The following TBC1D4 variants were observed in gnomAD, a reference collection of about 807,000 sequenced individuals.
TBC1D4 encodes the protein TBC1 domain family member 4, also known as TBC (Tre-2, BUB2, CDC16) domain-containing protein.
Under a neutral mutation model 142.5 loss-of-function variants are expected in TBC1D4, and 121 were observed. The observed-to-expected ratio is 0.85, with a 90% CI of 0.73 to 0.99. The LOEUF is 0.99. Ranked by LOEUF, TBC1D4 falls within the 50% of genes least tolerant of loss-of-function variation. The probability of loss-of-function intolerance (pLI) is 0.00; values close to 1 mark genes in which losing one functional copy is unlikely to be tolerated. For synonymous variants in TBC1D4, 630 were observed against 628.2 expected (o/e 1.00, Z -0.04); for missense variants, 1,475 against 1,606.6 (o/e 0.92, Z 1.40).
chr13:75,357,999 C>CTT (rs562093087), intron 3 of TBC1D4, among the ~76,000 whole-genome samples: 1 of 12,936 alleles, frequency 7.7e-5, no homozygotes, highest in Admixed American at 3.5e-4. Flanking sequence ...TTTTTTCTTT[C>CTT]TATTTTTTTT....
chr13:75,394,982 T>C (rs1180651245), intron 1 of TBC1D4, among the ~76,000 whole-genome samples: 1 of 152,330 alleles, frequency 6.6e-6, no homozygotes, highest in East Asian at 1.9e-4. Flanking sequence ...GCATTCAGTA[T>C]AGAAGGTACC....
At chr13:75,402,085 C>G (rs1202795303) in intron 1 of TBC1D4, among the ~76,000 whole-genome samples, 1 of 152,088 alleles carries the variant, frequency 6.6e-6, no homozygotes, top group Non-Finnish European at 1.5e-5. Context: ...AGGATGTGTA[C>G]CACCCACCAA....
At chr13:75,394,066 T>C (rs901502702) in intron 1 of TBC1D4, among the ~76,000 whole-genome samples, 1 of 152,222 alleles carries the variant, frequency 6.6e-6, no homozygotes, top group African/African-American at 2.4e-5. Flanking sequence ...CTTTGAAATA[T>C]GGATTATGTA....
At chr13:75,408,950 A>G (rs1405181293) in intron 1 of TBC1D4, among the ~76,000 whole-genome samples, 1 of 151,998 alleles carries the variant, frequency 6.6e-6, no homozygotes, top group Non-Finnish European at 1.5e-5. Context: ...AATTCTGTAC[A>G]TGTTCTGTTT....
chr13:75,471,176 C>T (rs1373536202), intron 1 of TBC1D4, among the ~76,000 whole-genome samples: 1 of 151,422 alleles, frequency 6.6e-6, no homozygotes, highest in African/African-American at 2.4e-5. Flanking sequence ...TATATATCTC[C>T]AACCTAACTT....
At chr13:75,401,336 G>A (rs988853736) in intron 1 of TBC1D4, among the ~76,000 whole-genome samples, 13 of 152,124 alleles carry the variant, frequency 8.5e-5, no homozygotes, top group African/African-American at 3.1e-4. Context: ...ATTGCACAGT[G>A]GTGGTGAATA....
At chr13:75,341,406 T>C in intron 6 of TBC1D4, 90 bp downstream of exon 6, 1 of 1,352,024 alleles carries the variant, frequency 7.4e-7, no homozygotes, top group Non-Finnish European at 1.1e-6. Context: ...TCTTTAGCTC[T>C]AGGCAGCAGA....
At chr13:75,335,301 G>GT (rs1880104873) in intron 8 of TBC1D4, among the ~76,000 whole-genome samples, 1 of 152,070 alleles carries the variant, frequency 6.6e-6, no homozygotes. Flanking sequence ...GCCACAGTGG[G>GT]TCCCCCATGC....
intron 1 of TBC1D4, among the ~76,000 whole-genome samples, chr13:75,376,689 T>C (rs542557160): frequency 2.0e-4 from 31 of 152,314 alleles, no homozygotes; most frequent in African/African-American, 7.2e-4. Flanking sequence ...GACCTTCTGG[T>C]GACTTTTAAG....
Position 75,327,798 on chromosome 13 carries a change from C to T in TBC1D4, c.1760G>A (p.Gly587Glu), listed in dbSNP as rs750145883. 30 of 1,613,862 alleles carry T rather than the reference C, an allele frequency of 1.9e-5. No homozygotes were observed. The highest frequency in any genetic ancestry group is 2.5e-5 in the Non-Finnish European group (29 of 1,179,896). ...GGACCGTTCAAAACTGTCCACACTT[C>T]CAAGCCGACCTCTCATTCTGTTAGC... ...RGANRMRGRLGSVDSFERSNS... is the reference protein window; with the variant it reads ...RGANRMRGRLESVDSFERSNS... The change falls in exon 9 of 21, where the codon GGA becomes GAA. Residue 587 changes from glycine to glutamate, a missense_variant. Physicochemically the swap from Gly to Glu is moderately conservative, Grantham distance 98 (BLOSUM62 -2). Transcript: ENST00000377636.
intron 1 of TBC1D4, among the ~76,000 whole-genome samples, chr13:75,436,031 C>T (rs1203456431): frequency 6.6e-6 from 1 of 152,276 alleles, no homozygotes; most frequent in African/African-American, 2.4e-5. Flanking sequence ...CTCCCATAAT[C>T]CCCACGTGTC....
At chr13:75,440,345 A>G (rs1028736797) in intron 1 of TBC1D4, among the ~76,000 whole-genome samples, 4 of 152,124 alleles carry the variant, frequency 2.6e-5, no homozygotes, top group African/African-American at 9.7e-5. Flanking sequence ...AAGCCAGGCA[A>G]AAAACTGGAC....
At chr13:75,387,529 T>C (rs1415957324) in intron 1 of TBC1D4, among the ~76,000 whole-genome samples, 1 of 152,260 alleles carries the variant, frequency 6.6e-6, no homozygotes, top group Non-Finnish European at 1.5e-5. Flanking sequence ...ATTGGTTCAC[T>C]GAATTATGCA....
chr13:75,391,075 A>AC (rs1566453118), intron 1 of TBC1D4, among the ~76,000 whole-genome samples: 20 of 100,686 alleles, frequency 2.0e-4, no homozygotes, highest in African/African-American at 8.2e-4. Flanking sequence ...CACACACACA[A>AC]ACAACTTGTA....
At chr13:75,411,517 G>C (rs1014447828) in intron 1 of TBC1D4, among the ~76,000 whole-genome samples, 4 of 151,882 alleles carry the variant, frequency 2.6e-5, no homozygotes, top group Non-Finnish European at 5.9e-5. Context: ...AAGCAACTAC[G>C]GGATGCACAC....
chr13:75,408,670 C>T (rs1032502176), intron 1 of TBC1D4, among the ~76,000 whole-genome samples: 2 of 152,114 alleles, frequency 1.3e-5, no homozygotes, highest in Non-Finnish European at 2.9e-5. Flanking sequence ...GTGGCTGTAC[C>T]ATTTTACATT....
At chr13:75,444,119 A>T (rs1266735556) in intron 1 of TBC1D4, among the ~76,000 whole-genome samples, 1 of 152,136 alleles carries the variant, frequency 6.6e-6, no homozygotes, top group Non-Finnish European at 1.5e-5. Context: ...GAAGCAAATG[A>T]TACAATTCTT....
chr13:75,413,552 G>A (rs1224965546), intron 1 of TBC1D4, among the ~76,000 whole-genome samples: 1 of 151,864 alleles, frequency 6.6e-6, no homozygotes. Context: ...TTTATGTGTG[G>A]CCCAAGACAA....
At chr13:75,447,533 T>TGTGG (rs1202698301) in intron 1 of TBC1D4, among the ~76,000 whole-genome samples, 1 of 151,542 alleles carries the variant, frequency 6.6e-6, no homozygotes, top group Non-Finnish European at 1.5e-5. Flanking sequence ...TGTGTGTGTG[T>TGTGG]GTACAGGCCA....
Sources: gnomAD v4.1 joint callset for allele counts (sites outside exome capture counted in the v4.1 genomes callset) on GRCh38, gnomAD v4.1.1 for gene constraint, MANE v1.5 for transcripts, NCBI Gene and HGNC (gene_info 2026-07-23, HGNC 2026-07-21) for gene names.